Variants in SLC6A13 observed in about 807,000 individuals in gnomAD.
The protein encoded by SLC6A13 is solute carrier family 6 member 13.
A neutral mutation model predicts 72.9 loss-of-function variants in SLC6A13; 69 were observed. The observed-to-expected ratio is 0.95, with a 90% CI of 0.78 to 1.16. The LOEUF (loss-of-function observed/expected upper bound fraction) is 1.16. Among genes scored for constraint, SLC6A13 ranks in the 50% most tolerant of loss-of-function variants. The probability of loss-of-function intolerance (pLI) is 0.00; values close to 1 mark genes in which losing one functional copy is unlikely to be tolerated. For synonymous variants in SLC6A13, 303 were observed against 303.0 expected (o/e 1.00, Z 0.00); for missense variants, 735 against 760.5 (o/e 0.97, Z 0.39).
rs1941462784 is a variant in SLC6A13, at chr12:226,530, G to A, written c.936-16C>T. ...GATGCAGTCCCTGTGGGGCAGGGGT[G>A]AGGAGAGGGCGGAATGGCAGGGTCA... On this transcript the variant is annotated splice_polypyrimidine_tract_variant and intron_variant, in intron 8 of 14. Coordinates refer to ENST00000343164, the MANE Select transcript of SLC6A13 (RefSeq NM_016615.5). 6.2e-7 allele frequency: 1 copy of A among 1,612,494 alleles called. No individual in the cohort carries two copies. The highest frequency in any genetic ancestry group is 8.5e-7 in the Non-Finnish European group (1 of 1,179,260).
chr12:230,098 G>A (rs749032001), intron 7 of SLC6A13, among the ~76,000 whole-genome samples: 1 of 152,078 alleles, frequency 6.6e-6, no homozygotes, highest in African/African-American at 2.4e-5. Flanking sequence ...AAGAGAACGG[G>A]GTCAGAGCAA....
At chr12:231,329 G>A (rs1314746021) in intron 7 of SLC6A13, among the ~76,000 whole-genome samples, 1 of 152,218 alleles carries the variant, frequency 6.6e-6, no homozygotes, top group Non-Finnish European at 1.5e-5. Context: ...CCCACAACCG[G>A]CCTCAGTGCT....
rs891451424 is a variant in SLC6A13 at position 259,797 on chromosome 12, G to A, written c.202+54C>T. 4 of 1,614,112 alleles carry A rather than the reference G, an allele frequency of 2.5e-6. No homozygotes were observed. In the African/African-American group the frequency reaches 5.3e-5, roughly 22 times the overall value. On this transcript the variant is annotated intron_variant, in intron 2 of 14. Coordinates refer to ENST00000343164, the MANE Select transcript of SLC6A13 (RefSeq NM_016615.5). ...CAGAGGGGCCGTAAGTGCAGGAGAT[G>A]GAAGTATCCTCCTTCCAGGAGTGGG...
rs376416501 is a variant in SLC6A13, at chr12:235,231, A to G, written c.697-7T>C. On this transcript the variant is annotated splice_polypyrimidine_tract_variant and splice_region_variant and intron_variant, in intron 6 of 14. Transcript: ENST00000343164. ...TGGCCGTGAAGTACACCACCTGGTC[A>G]TGGGCAAATGAGAGACAAGGAGCTT... 3.7e-6 allele frequency: 6 copies of G among 1,614,082 alleles called. No homozygotes were observed. In the African/African-American group the frequency reaches 5.3e-5, roughly 14 times the overall value.
At chr12:251,381 T>C (rs924839393) in intron 2 of SLC6A13, among the ~76,000 whole-genome samples, 4 of 152,248 alleles carry the variant, frequency 2.6e-5, no homozygotes, top group Admixed American at 2.0e-4. Context: ...AGGATAGTCT[T>C]TTCAACAAAT....
intron 7 of SLC6A13, among the ~76,000 whole-genome samples, chr12:228,278 G>A (rs996163321): frequency 3.3e-5 from 5 of 152,138 alleles, no homozygotes; most frequent in Non-Finnish European, 5.9e-5. Context: ...TATTATCTCA[G>A]CTGGCTCGCC....
chr12:261,258 C>T (rs1019690793), intron 1 of SLC6A13, among the ~76,000 whole-genome samples: 2 of 152,208 alleles, frequency 1.3e-5, no homozygotes, highest in African/African-American at 4.8e-5. Flanking sequence ...ATTTAATTCT[C>T]ACAACAACCC....
Position 243,782 on chromosome 12 carries a change from G to A in SLC6A13, c.234C>T (p.Leu78=), listed in dbSNP as rs755139719. Residue 78 remains leucine, a synonymous_variant, in exon 3 of 15, where the codon CTC becomes CTT. Coordinates refer to ENST00000343164, the MANE Select transcript of SLC6A13 (RefSeq NM_016615.5). ...GAFFIPYLVF[L]FTCGIPVFLL... ...GGAAGACAGGAATGCCACAGGTAAAGAGGAAGACGAGGTAGGGGATGAAGA... is the reference window on the plus strand; with the variant it reads ...GGAAGACAGGAATGCCACAGGTAAAAAGGAAGACGAGGTAGGGGATGAAGA... 2.9e-5 allele frequency: 47 copies of A among 1,614,072 alleles called. No homozygotes were observed. The highest frequency in any genetic ancestry group is 6.7e-5 in the Admixed American group (4 of 60,010).
At chr12:246,298 C>A (rs7138725) in intron 2 of SLC6A13, among the ~76,000 whole-genome samples, 4,242 of 151,918 alleles carry the variant, frequency 0.028, 143 homozygotes, top group African/African-American at 0.084. Flanking sequence ...AGCCTGGCAA[C>A]AGAGTGAGAC....
In SLC6A13 at chr12:254,367, T is replaced by C. The variant is rs1214761625; in HGVS notation, c.202+5484A>G. ...CCCACATTTACTATTTCCAATTCCTTTCTCCCATCTCCCCCATTATCTTAA... is the reference window on the plus strand; with the variant it reads ...CCCACATTTACTATTTCCAATTCCTCTCTCCCATCTCCCCCATTATCTTAA... On this transcript the variant is annotated intron_variant, in intron 2 of 14. Transcript: ENST00000343164. This position sits in a 1 kb window ranked among gnomAD's most constrained non-coding sequence, Gnocchi z 4.4. 6.6e-6 allele frequency among the ~76,000 whole-genome samples: 1 copy of C among 152,178 alleles called. No homozygotes were observed. Among genetic ancestry groups the C allele is most frequent in the Admixed American group, 6.5e-5 (1 of 15,276 alleles).
At chr12:247,208 T>C (rs1339871406) in intron 2 of SLC6A13, among the ~76,000 whole-genome samples, 4 of 150,596 alleles carry the variant, frequency 2.7e-5, no homozygotes, top group African/African-American at 9.8e-5. Flanking sequence ...ACTATAAACC[T>C]ATAGATCCAA....
At chr12:224,191 C>G (rs766679614) in intron 10 of SLC6A13, 62 bp from the exon 11 acceptor site, 20 of 1,597,728 alleles carry the variant, frequency 1.3e-5, no homozygotes, top group Non-Finnish European at 1.7e-5. Context: ...TGTCCATGAG[C>G]GCTGGCTTCT....
rs779971966 is a variant in SLC6A13, at chr12:221,406, T to C, written c.1656A>G (p.Arg552=). Residue 552 remains arginine (R), a synonymous_variant, in exon 14 of 15, where the codon AGA becomes AGG. Coordinates refer to ENST00000343164, the MANE Select transcript of SLC6A13 (RefSeq NM_016615.5). ...MVCIPAWSLY[R]LGTLKGPFRE... is the part of the protein sequence containing the mutation. The stretch of plus-strand genomic sequence containing the variant: ...TGAAGGGGCCCTTGAGGGTTCCGAG[T>C]CTGTAGAGGCTCCAGGCAGGAATGC... The C allele has an allele frequency of 3.1e-6, 5 of 1,610,688 alleles. No homozygotes were observed. The highest frequency in any genetic ancestry group is 4.2e-6 in the Non-Finnish European group (5 of 1,178,406).
chr12:238,304 G>C, intron 4 of SLC6A13: 5 of 1,397,610 alleles, frequency 3.6e-6, no homozygotes, highest in Non-Finnish European at 4.7e-6. Flanking sequence ...TTCAAGGCAT[G>C]CTAACATTTC....
chr12:223,808 C>T, intron 11 of SLC6A13, 184 bp downstream of exon 11: 1 of 638,130 alleles, frequency 1.6e-6, no homozygotes, highest in Non-Finnish European at 2.7e-6. Flanking sequence ...TGGTCCATGC[C>T]CAAAGGCCAG....
In SLC6A13 at chr12:227,623, A is replaced by G. The variant is rs1941517149; in HGVS notation, c.877T>C (p.Cys293Arg). Residue 293 changes from cysteine to arginine, a missense_variant, in exon 8 of 15, where the codon TGT becomes CGT. Cys to Arg is a radical substitution (Grantham distance 180). Coordinates refer to ENST00000343164, the MANE Select transcript of SLC6A13 (RefSeq NM_016615.5). Reference sequence around the variant, plus strand: ...CCCAGGGCTGTCAGGCACCCAAGACAGATGGCGAAGGAGAAGAATATCTGG... The same window carrying G: ...CCCAGGGCTGTCAGGCACCCAAGACGGATGGCGAAGGAGAAGAATATCTGG... ...GTQIFFSFAICLGCLTALGSY... is the reference protein window; with the variant it reads ...GTQIFFSFAIRLGCLTALGSY... 6.2e-7 allele frequency: 1 copy of G among 1,613,554 alleles called. No homozygotes were observed. The highest frequency in any genetic ancestry group is 8.5e-7 in the Non-Finnish European group (1 of 1,179,632).
chr12:251,559 C>G (rs781186807), intron 2 of SLC6A13, among the ~76,000 whole-genome samples: 1 of 152,084 alleles, frequency 6.6e-6, no homozygotes, highest in Non-Finnish European at 1.5e-5. Flanking sequence ...GCAAAGATCT[C>G]TTTATATGAT....
chr12:229,597 C>T (rs918197202), intron 7 of SLC6A13, among the ~76,000 whole-genome samples: 1 of 152,234 alleles, frequency 6.6e-6, no homozygotes, highest in Non-Finnish European at 1.5e-5. Context: ...AGGACCAATG[C>T]ACGTCTCCTG....
At chr12:247,799 T>C (rs377304108) in intron 2 of SLC6A13, among the ~76,000 whole-genome samples, 2 of 152,192 alleles carry the variant, frequency 1.3e-5, no homozygotes, top group South Asian at 2.1e-4. Context: ...TATAAAAATG[T>C]ATAAGAAGAG....
Sources: allele counts gnomAD v4.1 joint callset (sites outside exome capture counted in the v4.1 genomes callset), GRCh38; gene constraint gnomAD v4.1.1; non-coding constraint Gnocchi (gnomAD v3.1); transcripts MANE v1.5; gene names NCBI Gene and HGNC (gene_info 2026-07-23, HGNC 2026-07-21).